TMEM120B: variants seen among roughly 807,000 people sequenced by gnomAD.
TMEM120B encodes transmembrane protein 120B.
TMEM120B carries 31 observed loss-of-function variants against 55.5 expected under a neutral mutation model. The ratio of observed to expected loss-of-function variants is 0.56; its 90% CI spans 0.42 to 0.75. The LOEUF is 0.75. TMEM120B is among the 30% of genes least tolerant of loss of function. TMEM120B has a pLI of 0.00. For synonymous variants in TMEM120B, 203 were observed against 176.3 expected (o/e 1.15, Z -1.20); for missense variants, 399 against 425.5 (o/e 0.94, Z 0.55).
At chr12:121,774,427 C>T (rs141579368) in intron 9 of TMEM120B, among the ~76,000 whole-genome samples, 2 of 152,310 alleles carry the variant, frequency 1.3e-5, no homozygotes, top group East Asian at 3.9e-4. Flanking sequence ...TGTGTGTTGT[C>T]ACCTGGCTCT....
intron 8 of TMEM120B, among the ~76,000 whole-genome samples, chr12:121,772,066 T>C (rs1449827971): frequency 6.7e-6 from 1 of 150,304 alleles, no homozygotes; most frequent in Admixed American, 6.7e-5. Flanking sequence ...TTTCTTCCTT[T>C]CTTTTTCTTT....
intron 1 of TMEM120B, among the ~76,000 whole-genome samples, chr12:121,730,683 C>T (rs7976443): frequency 0.41 from 59,744 of 145,168 alleles, 14,574 homozygotes; most frequent in Middle Eastern, 0.62. Flanking sequence ...AAAAACCGGG[C>T]GCGGTGGCTC....
At chr12:121,771,115 GCCGGGCTGCGCGGGCCCCACCCAGCCC>G in intron 7 of TMEM120B, 143 bp downstream of exon 7, 2 of 923,348 alleles carry the variant, frequency 2.2e-6, no homozygotes, top group South Asian at 2.9e-5. Flanking sequence ...CTGCAGCTGC[GCCGGGCTGCGCGGGCCCCACCCAGCCC>G]GTGAGGGGTT....
intron 4 of TMEM120B, among the ~76,000 whole-genome samples, chr12:121,751,872 C>G (rs1283700393): frequency 6.6e-6 from 1 of 152,206 alleles, no homozygotes. Context: ...GTCTCTGCCC[C>G]CTGCCTGTCC....
At position 121,741,671 on chromosome 12, in the gene TMEM120B, G is replaced by C. The variant is rs1256345779; in HGVS notation, c.70-1958G>C. Among the ~76,000 whole-genome samples, 3 of 151,736 alleles carry C rather than the reference G, an allele frequency of 2.0e-5. No individual in the cohort carries two copies. In the East Asian group the frequency reaches 5.8e-4, roughly 29 times the overall value. On this transcript the variant is annotated intron_variant, in intron 1 of 11. Transcript: ENST00000449592. The stretch of plus-strand genomic sequence containing the variant: ...CATTTATTTATTTATTTGAGACGGA[G>C]TCTCACTCTGGAGTGCAGTGGCATA...
At chr12:121,738,702 G>C (rs896109288) in intron 1 of TMEM120B, among the ~76,000 whole-genome samples, 25 of 152,252 alleles carry the variant, frequency 1.6e-4, no homozygotes, top group African/African-American at 5.8e-4. Context: ...AACTGGATGG[G>C]CATCCTGGCT....
intron 1 of TMEM120B, among the ~76,000 whole-genome samples, chr12:121,726,204 A>G (rs1894887939): frequency 6.6e-6 from 1 of 152,120 alleles, no homozygotes; most frequent in Non-Finnish European, 1.5e-5. Context: ...ACAACCTGGT[A>G]AATGTATAAA....
chr12:121,748,728 A>G (rs1399580458), intron 3 of TMEM120B, among the ~76,000 whole-genome samples: 1 of 152,200 alleles, frequency 6.6e-6, no homozygotes, highest in Non-Finnish European at 1.5e-5. Flanking sequence ...GTCCTCTCCC[A>G]GGAGAACAAA....
chr12:121,746,525 G>T (rs1873088820), intron 2 of TMEM120B, among the ~76,000 whole-genome samples: 1 of 152,074 alleles, frequency 6.6e-6, no homozygotes. Context: ...TAGAGACGGG[G>T]TCTTGCTATG....
At position 121,779,733 on chromosome 12, in the gene TMEM120B, G is replaced by C; in HGVS notation, c.*4011G>C. 6.5e-7 allele frequency: 1 copy of C among 1,549,034 alleles called. No homozygotes were observed. Among genetic ancestry groups the C allele is most frequent in the Non-Finnish European group, 8.8e-7 (1 of 1,131,720 alleles). ...TCTCCTAGCACCACCTGGTGGGTTTGGGACTGGCTCTGAGGACTCTGCAGG... is the reference window on the plus strand; with the variant it reads ...TCTCCTAGCACCACCTGGTGGGTTTCGGACTGGCTCTGAGGACTCTGCAGG... On this transcript the variant is annotated 3_prime_UTR_variant, in exon 12 of 12. Coordinates refer to ENST00000449592, the MANE Select transcript of TMEM120B (RefSeq NM_001080825.2).
intron 1 of TMEM120B, among the ~76,000 whole-genome samples, chr12:121,722,962 C>G (rs1456693826): frequency 6.6e-6 from 1 of 151,338 alleles, no homozygotes; most frequent in East Asian, 1.9e-4. Context: ...AATTCTCTTG[C>G]CTCAGCCTCC....
chr12:121,753,910 G>A (rs1195507683), intron 5 of TMEM120B, among the ~76,000 whole-genome samples: 1 of 152,182 alleles, frequency 6.6e-6, no homozygotes, highest in African/African-American at 2.4e-5. Context: ...AGGCGCTGCT[G>A]GGGGTGCTCC....
Position 121,715,753 on chromosome 12 carries a change from A to G in TMEM120B, c.69+2789A>G, listed in dbSNP as rs117776986. Among the ~76,000 whole-genome samples, 1,222 of 152,180 alleles carry G rather than the reference A, an allele frequency of 8.0e-3. 8 individuals carry two copies. The highest frequency in any genetic ancestry group is 0.013 in the Non-Finnish European group (862 of 67,996). On this transcript the variant is annotated intron_variant, in intron 1 of 11. Transcript: ENST00000449592. ...GCAGAAACTGCCATCTACATCTTCA[A>G]TTCACAGATGAGGAAACTGAAGCTT...
chr12:121,779,311 C>T lies in TMEM120B; in HGVS notation c.*3589C>T, dbSNP rs1486753250. The T allele has an allele frequency of 4.6e-6, 3 of 647,906 alleles. No individual in the cohort carries two copies. Among genetic ancestry groups the T allele is most frequent in the Admixed American group, 3.0e-5 (1 of 33,858 alleles). 40.1% of individuals were successfully genotyped at this position (647,906 alleles called of 1,614,324 possible). On this transcript the variant is annotated 3_prime_UTR_variant, in exon 12 of 12. Coordinates refer to ENST00000449592, the MANE Select transcript of TMEM120B (RefSeq NM_001080825.2). ...CATCACCACCATGTCCCAGGGGCAG[C>T]CTGGAGGGGAGTTTGTGGTCAGAGC...
rs1245754042 is a variant in TMEM120B at position 121,761,747 on chromosome 12, G to A, written c.551+9G>A. The A allele has an allele frequency of 1.2e-6, 2 of 1,612,018 alleles. No homozygotes were observed. Among genetic ancestry groups the A allele is most frequent in the Admixed American group, 3.3e-5 (2 of 59,974 alleles). On this transcript the variant is annotated intron_variant, in intron 6 of 11. Transcript: ENST00000449592. ...ATCAGCAACGGCTCAAGGTACCTGG[G>A]CACCTGGCTTTGTGGGGAGCACAAG...
At chr12:121,770,588 C>T (rs928868133) in intron 6 of TMEM120B, among the ~76,000 whole-genome samples, 4 of 151,656 alleles carry the variant, frequency 2.6e-5, no homozygotes, top group African/African-American at 4.9e-5. Flanking sequence ...GGAGCGCCCG[C>T]GTGCTGGGGA....
intron 1 of TMEM120B, among the ~76,000 whole-genome samples, chr12:121,717,692 C>A (rs181894805): frequency 6.6e-6 from 1 of 152,328 alleles, no homozygotes; most frequent in Non-Finnish European, 1.5e-5. Context: ...GAGTCTCGCT[C>A]TGTTGCCCAG....
At chr12:121,729,714 G>A (rs568719127) in intron 1 of TMEM120B, among the ~76,000 whole-genome samples, 3 of 152,026 alleles carry the variant, frequency 2.0e-5, no homozygotes, top group South Asian at 4.2e-4. Context: ...TGGGAGGATC[G>A]CTTGAGCCCA....
At position 121,714,710 on chromosome 12, in the gene TMEM120B, C is replaced by T. The variant is rs546618964; in HGVS notation, c.69+1746C>T. On this transcript the variant is annotated intron_variant, in intron 1 of 11. Transcript: ENST00000449592. ...CCAAGTAGCAGAGATTATAGGTGCG[C>T]GCCACCATGCCCAGCTAATTTTTGT... 3.3e-5 allele frequency among the ~76,000 whole-genome samples: 5 copies of T among 151,834 alleles called. 1 individual carries two copies. The highest frequency in any genetic ancestry group is 2.1e-4 in the South Asian group (1 of 4,794).
Sources: gnomAD v4.1 joint callset for allele counts (sites outside exome capture counted in the v4.1 genomes callset) on GRCh38, gnomAD v4.1.1 for gene constraint, MANE v1.5 for transcripts, NCBI Gene and HGNC (gene_info 2026-07-23, HGNC 2026-07-21) for gene names.